RBFOX3: variants seen among roughly 807,000 people sequenced by gnomAD.
The protein encoded by RBFOX3 is RNA binding protein fox-1 homolog 3.
In RBFOX3, 17 loss-of-function variants were observed where a neutral mutation model predicts 48.7. The observed-to-expected ratio is 0.35, with a 90% CI of 0.24 to 0.52. The LOEUF (loss-of-function observed/expected upper bound fraction) is 0.52. RBFOX3 is among the 20% of genes least tolerant of loss of function. The pLI is 0.94. For synonymous variants in RBFOX3, 212 were observed against 209.5 expected (o/e 1.01, Z -0.10); for missense variants, 382 against 497.5 (o/e 0.77, Z 2.21).
intron 2 of RBFOX3, among the ~76,000 whole-genome samples, chr17:79,322,243 C>T (rs2078636300): frequency 7.7e-6 from 1 of 130,168 alleles, no homozygotes; most frequent in Non-Finnish European, 1.7e-5. Flanking sequence ...AGAAGAGGGG[C>T]ACCTCAGGAA....
chr17:79,453,498 G>A (rs1325363116), intron 2 of RBFOX3, among the ~76,000 whole-genome samples: 4 of 152,210 alleles, frequency 2.6e-5, no homozygotes, highest in Non-Finnish European at 5.9e-5. Context: ...GCTGGTGGGA[G>A]GCAGGGATGT....
Position 79,471,481 on chromosome 17 carries a change from C to T in RBFOX3, c.-175+10973G>A, listed in dbSNP as rs2149379173. Among the ~76,000 whole-genome samples the T allele has an allele frequency of 6.6e-6, 1 of 152,300 alleles. No individual in the cohort carries two copies. Among genetic ancestry groups the T allele is most frequent in the East Asian group, 1.9e-4 (1 of 5,184 alleles). ...ACAAGAGACAATATTCAAACGCCACCTCTGGTCACCCCTGGCCTGAGGGAC... is the reference window on the plus strand; with the variant it reads ...ACAAGAGACAATATTCAAACGCCACTTCTGGTCACCCCTGGCCTGAGGGAC... On this transcript the variant is annotated intron_variant, in intron 2 of 14. Coordinates refer to ENST00000693108, the MANE Select transcript of RBFOX3 (RefSeq NM_001350451.2). The surrounding 1 kb of genome is among the most constrained non-coding windows in gnomAD (Gnocchi z 4.0).
intron 1 of RBFOX3, among the ~76,000 whole-genome samples, chr17:79,515,530 C>A (rs994527644): frequency 5.9e-5 from 9 of 152,224 alleles, no homozygotes; most frequent in Admixed American, 2.6e-4. Flanking sequence ...ATAGAAAAAA[C>A]GAGAAATGCT....
At chr17:79,346,224 C>T (rs758612632) in intron 2 of RBFOX3, among the ~76,000 whole-genome samples, 26 of 152,080 alleles carry the variant, frequency 1.7e-4, no homozygotes, top group Non-Finnish European at 3.4e-4. Flanking sequence ...TGCCTGGCCT[C>T]CTCTAAGAGA....
intron 1 of RBFOX3, among the ~76,000 whole-genome samples, chr17:79,544,433 G>A (rs550033647): frequency 2.6e-5 from 4 of 152,210 alleles, no homozygotes; most frequent in South Asian, 2.1e-4. Context: ...CTCCCCAGTC[G>A]CTGGGGCACT....
intron 2 of RBFOX3, among the ~76,000 whole-genome samples, chr17:79,412,710 T>C (rs746774472): frequency 1.3e-5 from 2 of 151,920 alleles, no homozygotes; most frequent in Non-Finnish European, 2.9e-5. Context: ...CATATGTGTA[T>C]GTGTGAGGGC....
rs188859860 is a variant in RBFOX3, at chr17:79,101,763, T to A, written c.508-119A>T. 2.2e-4 allele frequency: 189 copies of A among 867,136 alleles called. No homozygotes were observed. The East Asian group carries it at 4.9e-3, about 23-fold the overall frequency. The allele number at this position is 867,136 out of a possible 1,614,324, so 53.7% of individuals were successfully genotyped here. A position where few individuals can be genotyped will look rare whatever the true frequency, so the allele number is the denominator to read the frequency against. ...CGGCACCCCCCGCCCCAGCCTCCTC[T>A]CTCCACCATGCTGCCTGCCCTCCGG... is the stretch of plus-strand genomic sequence containing the variant. On this transcript the variant is annotated intron_variant, in intron 8 of 14. Transcript: ENST00000693108.
At chr17:79,183,828 C>A (rs541142110) in intron 4 of RBFOX3, among the ~76,000 whole-genome samples, 1 of 152,302 alleles carries the variant, frequency 6.6e-6, no homozygotes, top group Admixed American at 6.5e-5. Context: ...AACAGCTGAT[C>A]CCACACTTAA....
intron 2 of RBFOX3, among the ~76,000 whole-genome samples, chr17:79,422,770 C>A (rs890416721): frequency 6.6e-6 from 1 of 152,104 alleles, no homozygotes; most frequent in African/African-American, 2.4e-5. Flanking sequence ...CAGCCCTGAC[C>A]CCCCTGTGTA....
chr17:79,543,474 C>T (rs2089995253), intron 1 of RBFOX3, among the ~76,000 whole-genome samples: 1 of 152,108 alleles, frequency 6.6e-6, no homozygotes, highest in African/African-American at 2.4e-5. Context: ...TGGAACCAAA[C>T]AGGTACTCAA....
chr17:79,211,162 G>A (rs1600019230), intron 4 of RBFOX3, among the ~76,000 whole-genome samples: 1 of 152,214 alleles, frequency 6.6e-6, no homozygotes, highest in African/African-American at 2.4e-5. Context: ...CCTGGGCCAC[G>A]GAGCAGACGG....
chr17:79,630,157 G>T, the RBFOX3 span, among the ~76,000 whole-genome samples: 1 of 152,184 alleles, frequency 6.6e-6, no homozygotes, highest in Non-Finnish European at 1.5e-5. Context: ...GAAGACTAAA[G>T]GACTGCCTCC....
intron 2 of RBFOX3, among the ~76,000 whole-genome samples, chr17:79,462,437 T>C (rs1270598591): frequency 1.3e-5 from 2 of 152,164 alleles, no homozygotes; most frequent in African/African-American, 4.8e-5. Flanking sequence ...ATAGACGGTG[T>C]CTTACGCACA....
intron 4 of RBFOX3, among the ~76,000 whole-genome samples, chr17:79,167,481 C>T (rs921479175): frequency 6.6e-6 from 1 of 152,042 alleles, no homozygotes; most frequent in Admixed American, 6.5e-5. Flanking sequence ...CTAGTGGGGC[C>T]GCATAATCCC....
chr17:79,396,974 G>A (rs532850060), intron 2 of RBFOX3, among the ~76,000 whole-genome samples: 10 of 152,346 alleles, frequency 6.6e-5, no homozygotes, highest in East Asian at 1.9e-4. Context: ...GGCAGGGAAC[G>A]CGCACCAGGC....
chr17:79,405,542 G>A (rs1192818862), intron 2 of RBFOX3, among the ~76,000 whole-genome samples: 3 of 152,042 alleles, frequency 2.0e-5, no homozygotes, highest in Non-Finnish European at 4.4e-5. Flanking sequence ...GCAACATGGC[G>A]AAACCCTGTC....
At chr17:79,170,435 G>T (rs545857228) in intron 4 of RBFOX3, among the ~76,000 whole-genome samples, 44 of 152,256 alleles carry the variant, frequency 2.9e-4, no homozygotes, top group African/African-American at 1.0e-3. Flanking sequence ...GGGAGGGAAG[G>T]TGTTTTCTCC....
At chr17:79,328,351 A>T (rs1299888564) in intron 2 of RBFOX3, among the ~76,000 whole-genome samples, 2 of 152,220 alleles carry the variant, frequency 1.3e-5, no homozygotes, top group Non-Finnish European at 2.9e-5. Context: ...CACACCGTCC[A>T]TTGTGGCAGG....
intron 2 of RBFOX3, among the ~76,000 whole-genome samples, chr17:79,437,184 C>A (rs1449967090): frequency 6.6e-6 from 1 of 152,122 alleles, no homozygotes; most frequent in Admixed American, 6.5e-5. Flanking sequence ...AGGGTCTCAC[C>A]CCCCAGGAGC....
Sources: allele counts gnomAD v4.1 joint callset (sites outside exome capture counted in the v4.1 genomes callset), GRCh38; gene constraint gnomAD v4.1.1; non-coding constraint Gnocchi (gnomAD v3.1); transcripts MANE v1.5; gene names NCBI Gene and HGNC (gene_info 2026-07-23, HGNC 2026-07-21).